TIAM1: variants seen among roughly 807,000 people sequenced by gnomAD.
TIAM1 encodes the protein TIAM Rac1 associated GEF 1, also known as rho guanine nucleotide exchange factor TIAM1.
Under a neutral mutation model 163.5 loss-of-function variants are expected in TIAM1, and 65 were observed. The ratio of observed to expected loss-of-function variants is 0.40; its 90% CI spans 0.33 to 0.49. The LOEUF (loss-of-function observed/expected upper bound fraction) is 0.49. Among genes scored for constraint, TIAM1 ranks in the 20% least tolerant of loss-of-function variants. The pLI is 0.77. For missense variants in TIAM1, 1,789 were observed against 2,044.7 expected, an observed-to-expected ratio of 0.87 and a Z score of 2.41; for synonymous variants, 833 against 810.1, an observed-to-expected ratio of 1.03 and a Z score of -0.48.
At chr21:31,520,314 A>G (rs1042847738) in intron 1 of TIAM1, among the ~76,000 whole-genome samples, 1 of 151,692 alleles carries the variant, frequency 6.6e-6, no homozygotes, top group Non-Finnish European at 1.5e-5. Flanking sequence ...CTGGGCAACA[A>G]GAGCTAAACT....
chr21:31,419,940 T>G (rs1177779052), intron 2 of TIAM1, among the ~76,000 whole-genome samples: 1 of 152,068 alleles, frequency 6.6e-6, no homozygotes, highest in African/African-American at 2.4e-5. Context: ...TCCCAGCTAC[T>G]TGGGAGGCTG....
At chr21:31,555,165 G>T (rs993885340) in intron 1 of TIAM1, among the ~76,000 whole-genome samples, 2 of 150,094 alleles carry the variant, frequency 1.3e-5, no homozygotes, top group Non-Finnish European at 3.0e-5. Flanking sequence ...GGCCTACAAT[G>T]ATGATGAGAG....
In TIAM1 at chr21:31,175,512, A is replaced by AT. The variant is rs201932241; in HGVS notation, c.2887+6908dup. ...TAATTACTGTTACATAATTCCATTTATTTTTTCTTGGCTTTCTTCTTGATG... is the reference window on the plus strand; with the variant it reads ...TAATTACTGTTACATAATTCCATTTATTTTTTTCTTGGCTTTCTTCTTGATG... On this transcript the variant is annotated intron_variant, in intron 15 of 27. Coordinates refer to ENST00000541036, the MANE Select transcript of TIAM1 (RefSeq NM_001353694.2). 2.0e-4 allele frequency among the ~76,000 whole-genome samples: 31 copies of AT among 152,148 alleles called. No individual in the cohort carries two copies. In the East Asian group the frequency reaches 5.2e-3, roughly 26 times the overall value.
chr21:31,241,838 CT>C (rs919556357), intron 6 of TIAM1, among the ~76,000 whole-genome samples: 180 of 151,972 alleles, frequency 1.2e-3, no homozygotes, highest in African/African-American at 4.3e-3. Flanking sequence ...AAGATTCTGT[CT>C]TTAAAAAATA....
intron 3 of TIAM1, among the ~76,000 whole-genome samples, chr21:31,271,742 G>GT (rs1329001590): frequency 7.1e-6 from 1 of 140,780 alleles, no homozygotes; most frequent in Non-Finnish European, 1.5e-5. Context: ...TCCAGAGAAA[G>GT]TGAGAGCAAA....
At chr21:31,428,450 T>C (rs1335178464) in intron 2 of TIAM1, among the ~76,000 whole-genome samples, 3 of 152,208 alleles carry the variant, frequency 2.0e-5, no homozygotes, top group Admixed American at 2.0e-4. Context: ...ATGATATACA[T>C]TAAGCGATTC....
intron 13 of TIAM1, among the ~76,000 whole-genome samples, chr21:31,188,871 G>T (rs953603263): frequency 1.1e-4 from 17 of 151,732 alleles, no homozygotes; most frequent in African/African-American, 3.9e-4. Flanking sequence ...ACTGAGCCTG[G>T]CCCCAGTTTT....
intron 6 of TIAM1, among the ~76,000 whole-genome samples, chr21:31,244,972 A>AT (rs2071415978): frequency 6.6e-6 from 1 of 152,186 alleles, no homozygotes; most frequent in Admixed American, 6.5e-5. Flanking sequence ...TTTTTAAAAA[A>AT]TGTTGAAATT....
chr21:31,527,621 G>A (rs1045617065), intron 1 of TIAM1, among the ~76,000 whole-genome samples: 4 of 151,816 alleles, frequency 2.6e-5, no homozygotes, highest in Admixed American at 1.3e-4. Flanking sequence ...CTTCTGATTG[G>A]GTGTTAAGAC....
intron 2 of TIAM1, among the ~76,000 whole-genome samples, chr21:31,362,521 C>T (rs185749564): frequency 1.1e-3 from 171 of 151,600 alleles, no homozygotes; most frequent in Non-Finnish European, 2.0e-3. Flanking sequence ...GGCTGGAGGG[C>T]AGTGGTGCAA....
chr21:31,423,854 CGGGGGGGG>C (rs2043680784), intron 2 of TIAM1, among the ~76,000 whole-genome samples: 1 of 24,754 alleles, frequency 4.0e-5, no homozygotes, highest in African/African-American at 7.0e-5. Context: ...TAATGATTAT[CGGGGGGGG>C]CGGGGGGGGG....
intron 2 of TIAM1, among the ~76,000 whole-genome samples, chr21:31,361,837 T>A (rs1003366825): frequency 1.4e-5 from 2 of 147,596 alleles, no homozygotes; most frequent in Non-Finnish European, 3.0e-5. Flanking sequence ...GGAAGAAAGA[T>A]TAGATAGATA....
chr21:31,263,496 AAT>A (rs1438279437), intron 4 of TIAM1, among the ~76,000 whole-genome samples: 1 of 152,172 alleles, frequency 6.6e-6, no homozygotes, highest in Non-Finnish European at 1.5e-5. Context: ...AAAGAATAGA[AAT>A]TTCGTATAAT....
intron 1 of TIAM1, among the ~76,000 whole-genome samples, chr21:31,498,880 G>A (rs2186349): frequency 0.61 from 92,046 of 151,038 alleles, 28,426 homozygotes; most frequent in East Asian, 0.85. Context: ...CGGGAGGCGG[G>A]GGTTGCAGTG....
rs759498069 is a variant in TIAM1 at position 31,252,091 on chromosome 21, G to A, written c.1062C>T (p.Asn354=). Residue 354 remains asparagine, a synonymous_variant, in exon 5 of 28, where the codon AAC becomes AAT. Coordinates refer to ENST00000541036, the MANE Select transcript of TIAM1 (RefSeq NM_001353694.2). ...GGCCTGTGGTGGGTGAGTAGCTGGA[G>A]TTGGTGGCATTAGATCGCCTGGACA... is the stretch of plus-strand genomic sequence containing the variant. ...DLLSRRSNAT[N]SSYSPTTGRA... 1 of 1,613,852 alleles carries A rather than the reference G, an allele frequency of 6.2e-7. No homozygotes were observed. The highest frequency in any genetic ancestry group is 1.3e-5 in the African/African-American group (1 of 74,934).
At chr21:31,506,988 C>A (rs2047050778) in intron 1 of TIAM1, among the ~76,000 whole-genome samples, 1 of 152,030 alleles carries the variant, frequency 6.6e-6, no homozygotes, top group Non-Finnish European at 1.5e-5. Context: ...ATTTTGTTGA[C>A]CCACTCAATC....
chr21:31,208,953 AT>A (rs11377256), intron 11 of TIAM1, among the ~76,000 whole-genome samples: 76 of 147,154 alleles, frequency 5.2e-4, no homozygotes, highest in Middle Eastern at 3.5e-3. Flanking sequence ...AAAGTTTTTC[AT>A]TTTTTTTTTT....
intron 2 of TIAM1, among the ~76,000 whole-genome samples, chr21:31,377,311 T>C (rs887131837): frequency 5.9e-5 from 9 of 151,948 alleles, no homozygotes; most frequent in African/African-American, 2.2e-4. Context: ...AAGAAAGTGG[T>C]CCTGTCTTCC....
intron 2 of TIAM1, among the ~76,000 whole-genome samples, chr21:31,385,881 G>A (rs925825110): frequency 1.1e-4 from 15 of 137,204 alleles, no homozygotes; most frequent in African/African-American, 4.0e-4. Context: ...AATTATATTA[G>A]TTAATATAAT....
Sources: allele counts gnomAD v4.1 joint callset (sites outside exome capture counted in the v4.1 genomes callset), GRCh38; gene constraint gnomAD v4.1.1; transcripts MANE v1.5; gene names NCBI Gene and HGNC (gene_info 2026-07-23, HGNC 2026-07-21).